The following ERC1 variants were observed in gnomAD, a reference collection of about 807,000 sequenced individuals.
ERC1 encodes the protein RAB6 interacting protein 2.
A neutral mutation model predicts 132.0 loss-of-function variants in ERC1; 56 were observed. That is an observed-to-expected ratio of 0.42 (90% confidence interval 0.34 to 0.53). The LOEUF (loss-of-function observed/expected upper bound fraction) is 0.53. Among genes scored for constraint, ERC1 ranks in the 20% least tolerant of loss-of-function variants. ERC1 has a pLI of 0.03. For synonymous variants in ERC1, 478 were observed against 476.1 expected, an observed-to-expected ratio of 1.00 and a Z score of -0.05; for missense variants, 1,202 against 1,349.9, an observed-to-expected ratio of 0.89 and a Z score of 1.72.
At position 1,028,534 on chromosome 12, in the gene ERC1, TGGAA is replaced by T; in HGVS notation, c.636_639del (p.Lys212AsnfsTer15). On this transcript the variant is annotated frameshift_variant, in exon 2 of 19. Coordinates refer to ENST00000360905, the MANE Select transcript of ERC1 (RefSeq NM_178040.4). LOFTEE classifies it high-confidence loss of function. The stretch of plus-strand genomic sequence containing the variant: ...AGATGAAGCTTCCAAAATCACCATT[TGGAA>T]GGAACAGTACAGAGTTGTACAGGAG... The T allele has an allele frequency of 6.2e-7, 1 of 1,614,050 alleles. No individual in the cohort carries two copies. Among genetic ancestry groups the T allele is most frequent in the Non-Finnish European group, 8.5e-7 (1 of 1,180,022 alleles).
intron 15 of ERC1, among the ~76,000 whole-genome samples, chr12:1,347,446 A>AT (rs145145027): frequency 0.3 from 45,268 of 151,902 alleles, 6,939 homozygotes; most frequent in Middle Eastern, 0.37. Context: ...TAATTAACAT[A>AT]TCATTATCTC....
chr12:1,165,431 G>A lies in ERC1; in HGVS notation c.1738-15109G>A, dbSNP rs573386970. 2.2e-4 allele frequency among the ~76,000 whole-genome samples: 33 copies of A among 151,614 alleles called. No homozygotes were observed. The South Asian group carries it at 5.2e-3, about 24-fold the overall frequency. ...CGCCATTCTCCTGCCTCAGCCTCCC[G>A]AGTAGCTGGGACTACAGGCGCCTGC... On this transcript the variant is annotated intron_variant, in intron 8 of 18. Transcript: ENST00000360905.
At chr12:1,021,654 G>T (rs182802714) in intron 1 of ERC1, among the ~76,000 whole-genome samples, 1 of 148,500 alleles carries the variant, frequency 6.7e-6, no homozygotes, top group East Asian at 2.0e-4. Context: ...AGCCCAGATC[G>T]CACCACTGCA....
At chr12:1,420,931 G>C (rs116362618) in intron 17 of ERC1, among the ~76,000 whole-genome samples, 6,453 of 138,604 alleles carry the variant, frequency 0.047, 366 homozygotes, top group African/African-American at 0.11. Context: ...GGGGGGGGGG[G>C]GGTTAATTAT....
At chr12:1,311,591 C>CT (rs201704421) in intron 15 of ERC1, among the ~76,000 whole-genome samples, 15 of 151,978 alleles carry the variant, frequency 9.9e-5, no homozygotes, top group African/African-American at 2.2e-4. Context: ...CTGAAACAGT[C>CT]TTTTTTTTCT....
At chr12:1,185,826 A>C (rs1376173411) in intron 11 of ERC1, among the ~76,000 whole-genome samples, 1 of 151,016 alleles carries the variant, frequency 6.6e-6, no homozygotes, top group Non-Finnish European at 1.5e-5. Flanking sequence ...AACTGTTTGC[A>C]TTTCTGCTGC....
chr12:1,447,549 A>C lies in ERC1; in HGVS notation c.3213+2799A>C, dbSNP rs1290222810. 5.7e-3 allele frequency among the ~76,000 whole-genome samples: 864 copies of C among 150,682 alleles called. 8 individuals are homozygous for C. The highest frequency in any genetic ancestry group is 0.02 in the African/African-American group (810 of 40,196). On this transcript the variant is annotated intron_variant, in intron 18 of 18. Coordinates refer to ENST00000360905, the MANE Select transcript of ERC1 (RefSeq NM_178040.4). The stretch of plus-strand genomic sequence containing the variant: ...ACAAACAGCAACAACAACAACAAAA[A>C]AAAAAAAACCCAGTGCTTATTAATG...
rs556479115 is a variant in ERC1 at position 1,419,486 on chromosome 12, A to ATC, written c.3024+11241_3024+11242dup. Reference sequence around the variant, plus strand: ...AGCTGGAACTCACATCCTTTATTCTATCTAGTAAGCCATCTCTCAGGTCTC... The same window carrying ATC: ...AGCTGGAACTCACATCCTTTATTCTATCTCTAGTAAGCCATCTCTCAGGTCTC... On this transcript the variant is annotated intron_variant, in intron 17 of 18. Transcript: ENST00000360905. Among the ~76,000 whole-genome samples, 28 of 147,430 alleles carry ATC rather than the reference A, an allele frequency of 1.9e-4. No individual in the cohort carries two copies. In the East Asian group the frequency reaches 5.5e-3, roughly 29 times the overall value.
intron 1 of ERC1, among the ~76,000 whole-genome samples, chr12:1,013,820 C>G (rs953922030): frequency 6.6e-6 from 1 of 152,184 alleles, no homozygotes; most frequent in African/African-American, 2.4e-5. Flanking sequence ...CAGCCTTGAA[C>G]TCCTGGGCTC....
chr12:1,214,730 A>G (rs1196522042), intron 12 of ERC1, among the ~76,000 whole-genome samples: 1 of 151,992 alleles, frequency 6.6e-6, no homozygotes, highest in Non-Finnish European at 1.5e-5. Context: ...GAAAAAGGAT[A>G]TGTTAGTAAC....
chr12:1,394,216 CGGTGAA>C (rs2090313837), intron 16 of ERC1, among the ~76,000 whole-genome samples: 1 of 150,754 alleles, frequency 6.6e-6, no homozygotes, highest in African/African-American at 2.4e-5. Flanking sequence ...CTGGCTAACA[CGGTGAA>C]ACCCCATCTC....
intron 12 of ERC1, among the ~76,000 whole-genome samples, chr12:1,205,666 A>G (rs1957295551): frequency 6.6e-6 from 1 of 152,148 alleles, no homozygotes; most frequent in African/African-American, 2.4e-5. Context: ...CCCGTTTCTA[A>G]TCTAAACATT....
intron 1 of ERC1, chr12:991,532 T>TGGGGA (rs1959247589): frequency 7.0e-6 from 1 of 141,980 alleles, no homozygotes; most frequent in Non-Finnish European, 1.5e-5. Context: ...GCCCGGGGGG[T>TGGGGA]GGGGAGGGGC....
chr12:1,408,391 T>C (rs2091641339), intron 17 of ERC1, 144 bp downstream of exon 17: 1 of 544,974 alleles, frequency 1.8e-6, no homozygotes, highest in African/African-American at 1.9e-5. Context: ...CTCTACTCTT[T>C]TCAAAAAAAT....
rs1486747163 is a variant in ERC1 at position 1,115,901 on chromosome 12, C to T, written c.1437C>T (p.Asp479=). The T allele has an allele frequency of 1.9e-6, 3 of 1,614,054 alleles. No individual in the cohort carries two copies. In the Admixed American group the frequency reaches 5.0e-5, roughly 27 times the overall value. The change falls in exon 7 of 19, where the codon GAC becomes GAT. Residue 479 remains aspartate, a synonymous_variant. Transcript: ENST00000360905. ...TGAAACAGGAGCTGTCCAGAAAGGA[C>T]ACAGAACTACTCGCCCTGCAGACAA... ...GQVKQELSRK[D]TELLALQTKL... is the part of the protein sequence containing the mutation.
chr12:1,126,986 CAAAAAAAAAAAAAA>C lies in ERC1; in HGVS notation c.1569+10967_1569+10980del, dbSNP rs71055135. 1.3e-3 allele frequency among the ~76,000 whole-genome samples: 145 copies of C among 114,206 alleles called. 3 individuals are homozygous for C. The highest frequency in any genetic ancestry group is 9.3e-3 in the South Asian group (38 of 4,108). 74.9% of individuals were successfully genotyped at this position (114,206 alleles called of 152,430 possible). ...CTGGCGACAGAGTGAGATTCTGTCT[CAAAAAAAAAAAAAA>C]AAAAAAAAAAAAACCTCAAAAATCA... On this transcript the variant is annotated intron_variant, in intron 7 of 18. Coordinates refer to ENST00000360905, the MANE Select transcript of ERC1 (RefSeq NM_178040.4).
chr12:1,407,121 C>T (rs1268750908), intron 16 of ERC1, among the ~76,000 whole-genome samples: 1 of 152,108 alleles, frequency 6.6e-6, no homozygotes, highest in African/African-American at 2.4e-5. Context: ...ACCACTCACA[C>T]AGAATCACTA....
intron 4 of ERC1, 95 bp from the exon 5 acceptor site, chr12:1,110,097 A>T: frequency 9.3e-7 from 1 of 1,074,684 alleles, no homozygotes; most frequent in South Asian, 1.8e-5. Flanking sequence ...ATATTTGTCT[A>T]TCTTTATTAA....
intron 17 of ERC1, among the ~76,000 whole-genome samples, chr12:1,429,723 A>G (rs939766637): frequency 4.6e-5 from 7 of 152,190 alleles, no homozygotes; most frequent in Non-Finnish European, 1.0e-4. Context: ...GTTCACAAAG[A>G]AGGTGACACT....
Sources: allele counts gnomAD v4.1 joint callset (sites outside exome capture counted in the v4.1 genomes callset), GRCh38; gene constraint gnomAD v4.1.1; transcripts MANE v1.5; gene names NCBI Gene and HGNC (gene_info 2026-07-23, HGNC 2026-07-21).